JAM3: variants seen among roughly 807,000 people sequenced by gnomAD.
The protein encoded by JAM3 is junctional adhesion molecule C.
A neutral mutation model predicts 39.4 loss-of-function variants in JAM3; 31 were observed. The observed-to-expected ratio is 0.79, with a 90% CI of 0.59 to 1.06. The LOEUF (loss-of-function observed/expected upper bound fraction) is 1.06. JAM3 is among the 50% of genes least tolerant of loss of function. JAM3 has a pLI of 0.00. For synonymous variants in JAM3, 182 were observed against 148.7 expected (o/e 1.22, Z -1.63); for missense variants, 455 against 391.4 (o/e 1.16, Z -1.37).
rs1272244670 is a variant in JAM3 at position 134,149,998 on chromosome 11, T to C, written c.*817T>C. On this transcript the variant is annotated 3_prime_UTR_variant, in exon 9 of 9. Coordinates refer to ENST00000299106, the MANE Select transcript of JAM3 (RefSeq NM_032801.5). ...TTCTATTTAAACTGTAAATATATTG[T>C]CATACAATGTTAAATAACCTATTTT... The C allele has an allele frequency of 1.9e-5, 3 of 159,034 alleles. No homozygotes were observed. The highest frequency in any genetic ancestry group is 7.2e-5 in the African/African-American group (3 of 41,524). The allele number at this position is 159,034 out of a possible 1,614,324, so 9.9% of individuals were successfully genotyped here. A position where few individuals can be genotyped will look rare whatever the true frequency, so the allele number is the denominator to read the frequency against.
At chr11:134,146,098 C>T (rs952805096) in intron 6 of JAM3, 53 bp downstream of exon 6, 11 of 1,201,828 alleles carry the variant, frequency 9.2e-6, no homozygotes, top group Non-Finnish European at 1.2e-5. Flanking sequence ...GTGAATAGAA[C>T]ATTTTAATTT....
At position 134,111,133 on chromosome 11, in the gene JAM3, CTTTTTTTTTTTTTTT is replaced by C. The variant is rs71038561; in HGVS notation, c.77-28704_77-28690del. Reference sequence around the variant, plus strand: ...TGTACCATACCCAACACACATCCATCTTTTTTTTTTTTTTTTTTTTTTTTTTTTGAGATGGAGTCT... The same window carrying C: ...TGTACCATACCCAACACACATCCATCTTTTTTTTTTTTTGAGATGGAGTCT... On this transcript the variant is annotated intron_variant, in intron 1 of 8. Transcript: ENST00000299106. 6.9e-5 allele frequency among the ~76,000 whole-genome samples: 6 copies of C among 86,778 alleles called. 1 individual carries two copies. The Admixed American group carries it at 8.1e-4, about 12-fold the overall frequency. The allele number at this position is 86,778 out of a possible 152,430, so 56.9% of individuals were successfully genotyped here.
At position 134,149,286 on chromosome 11, in the gene JAM3, C is replaced by T. The variant is rs111459632; in HGVS notation, c.*105C>T. 4.6e-3 allele frequency: 6,333 copies of T among 1,377,772 alleles called. 22 individuals carry two copies. Among genetic ancestry groups the T allele is most frequent in the Non-Finnish European group, 4.9e-3 (4,775 of 978,408 alleles). The allele number at this position is 1,377,772 out of a possible 1,614,324, so 85.3% of individuals were successfully genotyped here. A position where few individuals can be genotyped will look rare whatever the true frequency, so the allele number is the denominator to read the frequency against. On this transcript the variant is annotated 3_prime_UTR_variant, in exon 9 of 9. Coordinates refer to ENST00000299106, the MANE Select transcript of JAM3 (RefSeq NM_032801.5). Reference sequence around the variant, plus strand: ...TGATGCACTCGGACAGAGCTAGACACTCATTCAGAAGCTTTTCGTTTTGGC... The same window carrying T: ...TGATGCACTCGGACAGAGCTAGACATTCATTCAGAAGCTTTTCGTTTTGGC...
intron 2 of JAM3, among the ~76,000 whole-genome samples, chr11:134,140,135 G>C (rs1332494481): frequency 6.6e-6 from 1 of 152,214 alleles, no homozygotes; most frequent in Non-Finnish European, 1.5e-5. Flanking sequence ...GCCTGGCTTT[G>C]TGATCACACA....
chr11:134,103,809 ACTAT>A (rs1407971330), intron 1 of JAM3, among the ~76,000 whole-genome samples: 7 of 152,232 alleles, frequency 4.6e-5, no homozygotes, highest in Admixed American at 1.3e-4. Context: ...AGAATAGCTA[ACTAT>A]CCTAAATATA....
intron 1 of JAM3, among the ~76,000 whole-genome samples, chr11:134,114,717 A>T (rs929028189): frequency 1.3e-5 from 2 of 152,210 alleles, no homozygotes; most frequent in South Asian, 4.1e-4. Context: ...CAAACTTTGT[A>T]TGACTTGAAT....
chr11:134,094,835 G>GT (rs1305909430), intron 1 of JAM3, among the ~76,000 whole-genome samples: 1 of 152,228 alleles, frequency 6.6e-6, no homozygotes, highest in Non-Finnish European at 1.5e-5. Flanking sequence ...GACCATGACA[G>GT]TAGGAATTGT....
intron 1 of JAM3, among the ~76,000 whole-genome samples, chr11:134,112,694 A>G (rs1280469599): frequency 6.6e-6 from 1 of 152,148 alleles, no homozygotes; most frequent in Non-Finnish European, 1.5e-5. Context: ...AAACTCACTC[A>G]CACAGAGGTC....
intron 1 of JAM3, among the ~76,000 whole-genome samples, chr11:134,128,793 C>T (rs916367855): frequency 8.5e-5 from 13 of 152,264 alleles, no homozygotes; most frequent in Non-Finnish European, 1.5e-5. Context: ...CACCCAGTCT[C>T]TGGTAGTTCT....
At chr11:134,114,908 G>T (rs1565493747) in intron 1 of JAM3, among the ~76,000 whole-genome samples, 1 of 152,162 alleles carries the variant, frequency 6.6e-6, no homozygotes, top group Non-Finnish European at 1.5e-5. Flanking sequence ...CTGATTTTCT[G>T]TCCACTTGTT....
chr11:134,144,774 A>AG lies in JAM3; in HGVS notation c.410-18_410-17insG, dbSNP rs1251864669. 2 of 1,514,018 alleles carry AG rather than the reference A, an allele frequency of 1.3e-6. No homozygotes were observed. The highest frequency in any genetic ancestry group is 4.3e-5 in the African/African-American group (2 of 47,034). 93.8% of individuals were successfully genotyped at this position (1,514,018 alleles called of 1,614,324 possible). Reference sequence around the variant, plus strand: ...CCCTGTCACTGAGATCTTAAACACCACCCCTTTTTCCCCACAGTGAAGCCA... The same window carrying AG: ...CCCTGTCACTGAGATCTTAAACACCAGCCCCTTTTTCCCCACAGTGAAGCCA... On this transcript the variant is annotated splice_polypyrimidine_tract_variant and intron_variant, in intron 4 of 8. Coordinates refer to ENST00000299106, the MANE Select transcript of JAM3 (RefSeq NM_032801.5).
intron 1 of JAM3, among the ~76,000 whole-genome samples, chr11:134,130,692 C>T (rs1189345350): frequency 6.6e-6 from 1 of 152,208 alleles, no homozygotes; most frequent in Admixed American, 6.5e-5. Flanking sequence ...TTGCCCTACC[C>T]TCTCCCTGGC....
chr11:134,082,478 A>G (rs1411058016), intron 1 of JAM3, among the ~76,000 whole-genome samples: 1 of 152,160 alleles, frequency 6.6e-6, no homozygotes, highest in East Asian at 1.9e-4. Context: ...GGGGGAACCG[A>G]TGGGAGATAA....
chr11:134,077,363 CT>C (rs71038557), intron 1 of JAM3, among the ~76,000 whole-genome samples: 8,410 of 141,682 alleles, frequency 0.059, 301 homozygotes, highest in Non-Finnish European at 0.088. Flanking sequence ...TCAAGGATGC[CT>C]TTTTTTTTTT....
chr11:134,131,558 A>G (rs1257506982), intron 1 of JAM3, among the ~76,000 whole-genome samples: 1 of 152,194 alleles, frequency 6.6e-6, no homozygotes, highest in African/African-American at 2.4e-5. Context: ...AAACAGGAAA[A>G]CATGGCTCAT....
At chr11:134,069,545 C>G (rs1416163928) in intron 1 of JAM3, among the ~76,000 whole-genome samples, 1 of 151,316 alleles carries the variant, frequency 6.6e-6, no homozygotes, top group Non-Finnish European at 1.5e-5. Flanking sequence ...CTGTGCTGGG[C>G]GGTGGGCTCA....
At position 134,149,502 on chromosome 11, in the gene JAM3, C is replaced by T. The variant is rs1054566793; in HGVS notation, c.*321C>T. On this transcript the variant is annotated 3_prime_UTR_variant, in exon 9 of 9. Transcript: ENST00000299106. ...ATCTTAAAGAGTTTGCTCACGTAAA[C>T]GCCCGTGCTGGGCCCTGTGAAGCCA... 2.8e-5 allele frequency: 14 copies of T among 506,786 alleles called. No homozygotes were observed. The highest frequency in any genetic ancestry group is 1.5e-4 in the African/African-American group (8 of 52,034). The allele number at this position is 506,786 out of a possible 1,614,324, so 31.4% of individuals were successfully genotyped here.
intron 3 of JAM3, 55 bp downstream of exon 3, chr11:134,140,825 G>A: frequency 2.4e-5 from 37 of 1,567,726 alleles, no homozygotes; most frequent in Non-Finnish European, 3.1e-5. Flanking sequence ...ATAGACCTGG[G>A]TATACACTCT....
chr11:134,112,367 C>G (rs1352188219), intron 1 of JAM3, among the ~76,000 whole-genome samples: 1 of 152,082 alleles, frequency 6.6e-6, no homozygotes, highest in African/African-American at 2.4e-5. Context: ...GGATTACAGG[C>G]GTGAGACACC....
Sources: allele counts gnomAD v4.1 joint callset (sites outside exome capture counted in the v4.1 genomes callset), GRCh38; gene constraint gnomAD v4.1.1; transcripts MANE v1.5; gene names NCBI Gene and HGNC (gene_info 2026-07-23, HGNC 2026-07-21).